CAMTA1: variants seen among roughly 807,000 people sequenced by gnomAD.
CAMTA1 encodes the protein calmodulin binding transcription activator 1.
In CAMTA1, 27 loss-of-function variants were observed where a neutral mutation model predicts 170.9. The ratio of observed to expected loss-of-function variants is 0.16; its 90% CI spans 0.12 to 0.22. The LOEUF (loss-of-function observed/expected upper bound fraction) is 0.22. Among genes scored for constraint, CAMTA1 ranks in the 10% least tolerant of loss-of-function variants. CAMTA1 has a pLI of 1.00. For synonymous variants in CAMTA1, 833 were observed against 891.5 expected, an observed-to-expected ratio of 0.93 and a Z score of 1.17; for missense variants, 1,619 against 2,217.2, an observed-to-expected ratio of 0.73 and a Z score of 5.42.
At position 7,182,244 on chromosome 1, in the gene CAMTA1, A is replaced by T. The variant is rs190016394; in HGVS notation, c.303-67247A>T. Among the ~76,000 whole-genome samples, 53 of 152,280 alleles carry T rather than the reference A, an allele frequency of 3.5e-4. 1 individual carries two copies. The highest frequency in any genetic ancestry group is 3.4e-3 in the Middle Eastern group (1 of 294). ...ATCTAAATATAAAAGGTGAAATCAT[A>T]AAAGTACTAGAAGTGGCTGGGCACA... is the stretch of plus-strand genomic sequence containing the variant. On this transcript the variant is annotated intron_variant, in intron 4 of 22. Coordinates refer to ENST00000303635, the MANE Select transcript of CAMTA1 (RefSeq NM_015215.4).
At chr1:6,862,135 AT>A (rs1478693645) in intron 3 of CAMTA1, among the ~76,000 whole-genome samples, 4 of 151,980 alleles carry the variant, frequency 2.6e-5, no homozygotes, top group Non-Finnish European at 4.4e-5. Context: ...GCTACTTTTT[AT>A]ATTTTTAGTA....
intron 3 of CAMTA1, among the ~76,000 whole-genome samples, chr1:7,031,435 C>T (rs1304761819): frequency 6.6e-6 from 1 of 152,116 alleles, no homozygotes; most frequent in African/African-American, 2.4e-5. Context: ...AATGGTATAT[C>T]TTCTTCCATT....
At position 7,484,018 on chromosome 1, in the gene CAMTA1, G is replaced by A. The variant is rs550278852; in HGVS notation, c.510+16117G>A. On this transcript the variant is annotated intron_variant, in intron 6 of 22. Coordinates refer to ENST00000303635, the MANE Select transcript of CAMTA1 (RefSeq NM_015215.4). ...CCTTGGCCCTGCACTTACTACCCTCGTAGGTAGGAAGTGCTCACTTCATTA... is the reference window on the plus strand; with the variant it reads ...CCTTGGCCCTGCACTTACTACCCTCATAGGTAGGAAGTGCTCACTTCATTA... Among the ~76,000 whole-genome samples the A allele has an allele frequency of 2.9e-4, 44 of 152,300 alleles. No individual in the cohort carries two copies. In the Middle Eastern group the frequency reaches 0.01, roughly 35 times the overall value.
In CAMTA1 at chr1:7,769,003, A is replaced by T. The variant is rs2097040143; in HGVS notation, c.*2512A>T. The stretch of plus-strand genomic sequence containing the variant: ...TCAGTGGATTTGCTTTAACCCTCAC[A>T]TTTTTTTTTTAATGTTTCACATGTT... On this transcript the variant is annotated 3_prime_UTR_variant, in exon 23 of 23. Transcript: ENST00000303635. 6.7e-6 allele frequency: 1 copy of T among 149,652 alleles called. No individual in the cohort carries two copies. Among genetic ancestry groups the T allele is most frequent in the African/African-American group, 2.5e-5 (1 of 40,542 alleles). 9.3% of individuals were successfully genotyped at this position (149,652 alleles called of 1,614,324 possible). A position where few individuals can be genotyped will look rare whatever the true frequency, so the allele number is the denominator to read the frequency against.
rs139255474 is a variant in CAMTA1, at chr1:7,115,804, A to G, written c.302+24433A>G. Among the ~76,000 whole-genome samples, 679 of 152,258 alleles carry G rather than the reference A, an allele frequency of 4.5e-3. 4 individuals carry two copies. Among genetic ancestry groups the G allele is most frequent in the African/African-American group, 0.015 (616 of 41,558 alleles). On this transcript the variant is annotated intron_variant, in intron 4 of 22. Coordinates refer to ENST00000303635, the MANE Select transcript of CAMTA1 (RefSeq NM_015215.4). Reference sequence around the variant, plus strand: ...GAGGCCAGAAAAGACTCACGTCCCCATGCAAGGCAGTCAAGCAGGAGGGCA... The same window carrying G: ...GAGGCCAGAAAAGACTCACGTCCCCGTGCAAGGCAGTCAAGCAGGAGGGCA...
At chr1:7,620,233 T>C (rs1037138904) in intron 6 of CAMTA1, among the ~76,000 whole-genome samples, 3 of 152,180 alleles carry the variant, frequency 2.0e-5, no homozygotes, top group Non-Finnish European at 2.9e-5. Flanking sequence ...CTGAAGACAA[T>C]TTTTTGTCAT....
At chr1:7,275,047 C>G (rs1670367571) in intron 5 of CAMTA1, among the ~76,000 whole-genome samples, 1 of 145,296 alleles carries the variant, frequency 6.9e-6, no homozygotes, top group Admixed American at 7.4e-5. Flanking sequence ...GAGGCTGAGA[C>G]AGGAGAATTG....
chr1:6,949,651 A>G (rs1688142013), intron 3 of CAMTA1, among the ~76,000 whole-genome samples: 1 of 152,262 alleles, frequency 6.6e-6, no homozygotes, highest in South Asian at 2.1e-4. Flanking sequence ...CCAGAGTCAG[A>G]TCCCTGCAGC....
intron 6 of CAMTA1, among the ~76,000 whole-genome samples, chr1:7,492,626 C>T (rs1033967618): frequency 1.4e-4 from 21 of 150,100 alleles, no homozygotes; most frequent in Admixed American, 4.0e-4. Context: ...TGTACATACA[C>T]GCGCACACAA....
intron 1 of CAMTA1, among the ~76,000 whole-genome samples, chr1:6,800,137 G>C (rs942609561): frequency 6.6e-6 from 1 of 152,052 alleles, no homozygotes; most frequent in African/African-American, 2.4e-5. Context: ...GGGTGCTGTG[G>C]CTCGGTGCCT....
intron 4 of CAMTA1, among the ~76,000 whole-genome samples, chr1:7,123,616 T>C (rs1644768940): frequency 6.6e-6 from 1 of 152,190 alleles, no homozygotes; most frequent in Non-Finnish European, 1.5e-5. Context: ...CCCTCTGCTT[T>C]GGATAAGCCC....
At chr1:7,421,348 C>G (rs1379439187) in intron 5 of CAMTA1, among the ~76,000 whole-genome samples, 2 of 152,052 alleles carry the variant, frequency 1.3e-5, no homozygotes, top group Non-Finnish European at 2.9e-5. Flanking sequence ...GAGACGGGGT[C>G]TTGCCATGTT....
intron 6 of CAMTA1, among the ~76,000 whole-genome samples, chr1:7,579,552 C>CTTTCTTTCTTTTTTTTTTTTTT (rs1436192966): frequency 2.5e-5 from 2 of 79,198 alleles, no homozygotes; most frequent in African/African-American, 1.2e-4. Flanking sequence ...CTTTTCTTTT[C>CTTTCTTTCTTTTTTTTTTTTTT]TTTTTTTTTT....
intron 5 of CAMTA1, among the ~76,000 whole-genome samples, chr1:7,285,519 G>A (rs1373857764): frequency 6.6e-6 from 1 of 152,124 alleles, no homozygotes; most frequent in Non-Finnish European, 1.5e-5. Flanking sequence ...CCAGTGCCTC[G>A]CCTGTCTCAT....
chr1:7,418,441 C>T (rs566759495), intron 5 of CAMTA1, among the ~76,000 whole-genome samples: 15 of 152,116 alleles, frequency 9.9e-5, no homozygotes, highest in Non-Finnish European at 1.9e-4. Context: ...TCAGGTGGTC[C>T]GCCCACCTTG....
chr1:6,813,339 T>G (rs1645403079), intron 1 of CAMTA1, among the ~76,000 whole-genome samples: 1 of 152,064 alleles, frequency 6.6e-6, no homozygotes, highest in Non-Finnish European at 1.5e-5. Flanking sequence ...TGTTTCTTAT[T>G]TATTATTAAT....
At chr1:7,449,145 G>A (rs2092751038) in intron 5 of CAMTA1, among the ~76,000 whole-genome samples, 1 of 152,224 alleles carries the variant, frequency 6.6e-6, no homozygotes, top group African/African-American at 2.4e-5. Flanking sequence ...GAAAGAAGAA[G>A]CTGACCCTGG....
chr1:6,980,161 C>T (rs777988225), intron 3 of CAMTA1, among the ~76,000 whole-genome samples: 2 of 152,204 alleles, frequency 1.3e-5, no homozygotes, highest in African/African-American at 4.8e-5. Flanking sequence ...GTCCTTTGCT[C>T]ACCTGCAGCT....
chr1:7,215,433 G>A (rs1296534225), intron 4 of CAMTA1, among the ~76,000 whole-genome samples: 2 of 152,104 alleles, frequency 1.3e-5, no homozygotes, highest in African/African-American at 2.4e-5. Context: ...TCACTCTGTC[G>A]CCCAGGCTGG....
Sources: allele counts gnomAD v4.1 joint callset (sites outside exome capture counted in the v4.1 genomes callset), GRCh38; gene constraint gnomAD v4.1.1; transcripts MANE v1.5; gene names NCBI Gene and HGNC (gene_info 2026-07-23, HGNC 2026-07-21).